SCP2: variants seen among roughly 807,000 people sequenced by gnomAD.
SCP2 encodes SCP-2/3-oxoacyl-CoA thiolase.
In SCP2, 48 loss-of-function variants were observed where a neutral mutation model predicts 71.4. The ratio of observed to expected loss-of-function variants is 0.67; its 90% CI spans 0.53 to 0.86. SCP2 has a LOEUF of 0.86. Ranked by LOEUF, SCP2 falls within the 40% of genes least tolerant of loss-of-function variation. The pLI is 0.00. For synonymous variants in SCP2, 220 were observed against 218.1 expected, an observed-to-expected ratio of 1.01 and a Z score of -0.08; for missense variants, 560 against 655.6, an observed-to-expected ratio of 0.85 and a Z score of 1.59.
At position 53,047,882 on chromosome 1, in the gene SCP2, CA is replaced by C. The variant is rs1420906753; in HGVS notation, c.1495del (p.Met499TrpfsTer9). The C allele has an allele frequency of 6.2e-7, 1 of 1,613,336 alleles. No individual in the cohort carries two copies. The highest frequency in any genetic ancestry group is 2.2e-5 in the East Asian group (1 of 44,884). On this transcript the variant is annotated frameshift_variant, in exon 15 of 16. Transcript: ENST00000371514. LOFTEE classifies it high-confidence loss of function. ...NSDKKADCTI[T>X]MADSDFLALM... is the part of the protein sequence containing the mutation. The stretch of plus-strand genomic sequence containing the variant: ...GATAAGAAGGCTGACTGCACAATCA[CA>C]ATGGCTGACTCAGACTTCCTGGCTT...
chr1:52,995,996 T>C, intron 11 of SCP2: 1 of 1,406,752 alleles, frequency 7.1e-7, no homozygotes, highest in Non-Finnish European at 9.3e-7. Flanking sequence ...AGGAGGAGGA[T>C]TTTGGTGAGG....
In SCP2 at chr1:52,996,575, A is replaced by G. The variant is rs144341180; in HGVS notation, c.1081+8439A>G. On this transcript the variant is annotated intron_variant, in intron 11 of 15. Coordinates refer to ENST00000371514, the MANE Select transcript of SCP2 (RefSeq NM_002979.5). ...TGTTAGCAGTATTTTCTCCATTTTC[A>G]GTCTCCCTCCAAGCTCTGCCCTTTG... Among the ~76,000 whole-genome samples the G allele has an allele frequency of 9.7e-3, 1,481 of 152,158 alleles. 32 individuals carry two copies. The highest frequency in any genetic ancestry group is 0.034 in the African/African-American group (1,414 of 41,496).
rs959226031 is a variant in SCP2 at position 52,945,738 on chromosome 1, G to T, written c.128-2271G>T. On this transcript the variant is annotated intron_variant, in intron 2 of 15. Coordinates refer to ENST00000371514, the MANE Select transcript of SCP2 (RefSeq NM_002979.5). ...TTGTTTGGAAAAGAATGTTTAAGTT[G>T]TGCATAATATATATATATATATGCC... 6.3e-5 allele frequency among the ~76,000 whole-genome samples: 9 copies of T among 142,876 alleles called. No individual in the cohort carries two copies. The East Asian group carries it at 9.7e-4, about 15-fold the overall frequency. The allele number at this position is 142,876 out of a possible 152,430, so 93.7% of individuals were successfully genotyped here.
chr1:52,934,596 T>G (rs1191375812), intron 1 of SCP2, among the ~76,000 whole-genome samples: 1 of 66,072 alleles, frequency 1.5e-5, no homozygotes, highest in Non-Finnish European at 2.8e-5. Context: ...AGCTAACTTT[T>G]TTTTTTTTTT....
At chr1:53,002,888 T>C (rs1660404559) in intron 11 of SCP2, among the ~76,000 whole-genome samples, 1 of 152,190 alleles carries the variant, frequency 6.6e-6, no homozygotes, top group South Asian at 2.1e-4. Flanking sequence ...GTCTACTCTG[T>C]AAGAGGTTGC....
rs1053557914 is a variant in SCP2, at chr1:52,953,190, T to A, written c.332-1550T>A. The stretch of plus-strand genomic sequence containing the variant: ...TTTGAGATTTTCACTGGGTTCATTT[T>A]TTAGTTTTTAATTTCAAATTTTAAA... On this transcript the variant is annotated intron_variant, in intron 4 of 15. Coordinates refer to ENST00000371514, the MANE Select transcript of SCP2 (RefSeq NM_002979.5). 2.0e-5 allele frequency among the ~76,000 whole-genome samples: 3 copies of A among 152,092 alleles called. 1 individual carries two copies. Among genetic ancestry groups the A allele is most frequent in the African/African-American group, 7.2e-5 (3 of 41,434 alleles).
intron 1 of SCP2, among the ~76,000 whole-genome samples, chr1:52,936,071 T>C (rs1407902107): frequency 6.6e-6 from 1 of 152,204 alleles, no homozygotes; most frequent in East Asian, 1.9e-4. Context: ...AAGAATCAGA[T>C]ATGAGAATTC....
intron 11 of SCP2, among the ~76,000 whole-genome samples, chr1:53,010,551 T>A (rs968241589): frequency 6.6e-6 from 1 of 151,834 alleles, no homozygotes; most frequent in Non-Finnish European, 1.5e-5. Flanking sequence ...CACCACATGT[T>A]CTCACTCATA....
intron 2 of SCP2, among the ~76,000 whole-genome samples, chr1:52,944,926 C>T (rs1334473852): frequency 6.6e-6 from 1 of 151,872 alleles, no homozygotes; most frequent in Admixed American, 6.6e-5. Context: ...GGATTACAGG[C>T]GTGAGCCACC....
At position 52,961,490 on chromosome 1, in the gene SCP2, TC is replaced by T. The variant is rs778181962; in HGVS notation, c.397-7del. 13 of 1,613,388 alleles carry T rather than the reference TC, an allele frequency of 8.1e-6. No homozygotes were observed. In the East Asian group the frequency reaches 2.5e-4, roughly 30 times the overall value. ...ATGTCAGCTGCTTATGAAATTTTGTTCCCCCCTCTTAGTTTTCAGATAGAAC... is the reference window on the plus strand; with the variant it reads ...ATGTCAGCTGCTTATGAAATTTTGTTCCCCCTCTTAGTTTTCAGATAGAAC... On this transcript the variant is annotated splice_polypyrimidine_tract_variant and intron_variant, in intron 5 of 15. Coordinates refer to ENST00000371514, the MANE Select transcript of SCP2 (RefSeq NM_002979.5).
At chr1:52,963,530 T>C (rs1656664816) in intron 6 of SCP2, 1 of 152,194 alleles carries the variant, frequency 6.6e-6, no homozygotes, top group South Asian at 2.1e-4. Flanking sequence ...ACCAGAAGAA[T>C]CTGATATTCA....
At chr1:53,013,261 A>G (rs1661099652) in intron 11 of SCP2, among the ~76,000 whole-genome samples, 2 of 130,740 alleles carry the variant, frequency 1.5e-5, no homozygotes, top group Non-Finnish European at 3.7e-5. Context: ...GGCTACAGAC[A>G]TGTGTCCCCA....
intron 11 of SCP2, among the ~76,000 whole-genome samples, chr1:53,008,184 G>A (rs908793702): frequency 3.5e-4 from 54 of 152,118 alleles, no homozygotes; most frequent in Admixed American, 9.8e-4. Flanking sequence ...ATTCACAGCC[G>A]AATTCTACCA....
chr1:52,948,496 G>GCGCC (rs1467344759), intron 3 of SCP2, among the ~76,000 whole-genome samples: 4 of 151,686 alleles, frequency 2.6e-5, no homozygotes, highest in Non-Finnish European at 4.4e-5. Flanking sequence ...TACAAAAAAT[G>GCGCC]CGCCTGTAGT....
intron 11 of SCP2, among the ~76,000 whole-genome samples, chr1:53,011,444 AGAGT>A (rs1258949467): frequency 2.0e-5 from 3 of 152,184 alleles, no homozygotes; most frequent in African/African-American, 7.2e-5. Flanking sequence ...AACATTTGGT[AGAGT>A]GTTTGATACA....
chr1:52,994,112 G>T, intron 11 of SCP2: 1 of 1,065,822 alleles, frequency 9.4e-7, no homozygotes, highest in African/African-American at 1.7e-5. Flanking sequence ...TTGGTAAATA[G>T]ACTAAACTGT....
At position 52,993,056 on chromosome 1, in the gene SCP2, G is replaced by C; in HGVS notation, c.1081+4920G>C. On this transcript the variant is annotated intron_variant, in intron 11 of 15. Transcript: ENST00000371514. ...ACCATTGTATTAGCTTCACAGAAAGGACTAGCCAGCTTCTTGGTCTAAGGC... is the reference window on the plus strand; with the variant it reads ...ACCATTGTATTAGCTTCACAGAAAGCACTAGCCAGCTTCTTGGTCTAAGGC... The C allele has an allele frequency of 6.5e-6, 6 of 922,014 alleles. No individual in the cohort carries two copies. In the South Asian group the frequency reaches 8.6e-5, roughly 13 times the overall value. The allele number at this position is 922,014 out of a possible 1,614,324, so 57.1% of individuals were successfully genotyped here. A position where few individuals can be genotyped will look rare whatever the true frequency, so the allele number is the denominator to read the frequency against.
At chr1:52,995,231 C>G (rs1167287197) in intron 11 of SCP2, 1 of 501,450 alleles carries the variant, frequency 2.0e-6, no homozygotes, top group African/African-American at 2.0e-5. Context: ...GTGCCTCCAC[C>G]CAAAGTGTCT....
rs76258801 is a variant in SCP2, at chr1:52,933,456, T to C, written c.69+5991T>C. ...TCAAAAATTAAGAAAAAAAACCCCA[T>C]CAGGTATGTTTAAACAAGAGTTTGT... On this transcript the variant is annotated intron_variant, in intron 1 of 15. Coordinates refer to ENST00000371514, the MANE Select transcript of SCP2 (RefSeq NM_002979.5). 7.7e-3 allele frequency among the ~76,000 whole-genome samples: 1,170 copies of C among 152,146 alleles called. 10 individuals carry two copies. The highest frequency in any genetic ancestry group is 0.025 in the African/African-American group (1,058 of 41,496).
Sources: gnomAD v4.1 joint callset for allele counts (sites outside exome capture counted in the v4.1 genomes callset) on GRCh38, gnomAD v4.1.1 for gene constraint, MANE v1.5 for transcripts, NCBI Gene and HGNC (gene_info 2026-07-23, HGNC 2026-07-21) for gene names.